The following VWA8 variants were observed in gnomAD, a reference collection of about 807,000 sequenced individuals.
VWA8 encodes von Willebrand factor A domain-containing protein 8.
VWA8 carries 221 observed loss-of-function variants against 241.5 expected under a neutral mutation model. The ratio of observed to expected loss-of-function variants is 0.91; its 90% CI spans 0.82 to 1.02. VWA8 has a LOEUF of 1.02. VWA8 is among the 50% of genes least tolerant of loss of function. VWA8 has a pLI of 0.00. For missense variants in VWA8, 2,322 were observed against 2,328.7 expected, an observed-to-expected ratio of 1.00 and a Z score of 0.06; for synonymous variants, 852 against 827.1, an observed-to-expected ratio of 1.03 and a Z score of -0.52.
At chr13:41,708,095 C>T (rs1018152740) in intron 26 of VWA8, among the ~76,000 whole-genome samples, 1 of 152,196 alleles carries the variant, frequency 6.6e-6, no homozygotes. Flanking sequence ...CAGTGGCTCA[C>T]GTCTGTAATC....
intron 17 of VWA8, 136 bp from the exon 18 acceptor site, chr13:41,787,679 C>A: frequency 1.6e-6 from 1 of 606,990 alleles, no homozygotes. Context: ...CAGTCTGGAT[C>A]TGTAAAATCT....
At chr13:41,829,559 ACACACACATG>A (rs1321065964) in intron 14 of VWA8, among the ~76,000 whole-genome samples, 48 of 143,258 alleles carry the variant, frequency 3.4e-4, no homozygotes, top group Non-Finnish European at 4.2e-4. Context: ...ACACACACAC[ACACACACATG>A]CACACACACA....
intron 37 of VWA8, among the ~76,000 whole-genome samples, chr13:41,649,834 G>A (rs1361800933): frequency 1.2e-4 from 18 of 152,184 alleles, no homozygotes. Flanking sequence ...CTCACTCTGA[G>A]AAGGGCAGCA....
chr13:41,926,436 T>C, intron 2 of VWA8: 1 of 526,058 alleles, frequency 1.9e-6, no homozygotes, highest in Non-Finnish European at 3.7e-6. Context: ...GTGGCCAAGC[T>C]TTTCATCACT....
chr13:41,767,332 T>A (rs2045785687), intron 20 of VWA8, among the ~76,000 whole-genome samples: 1 of 152,226 alleles, frequency 6.6e-6, no homozygotes, highest in African/African-American at 2.4e-5. Flanking sequence ...TTTGCTTAAA[T>A]GCCTAAAAAT....
intron 37 of VWA8, among the ~76,000 whole-genome samples, chr13:41,658,267 T>C (rs763935922): frequency 5.3e-5 from 8 of 152,198 alleles, no homozygotes; most frequent in Non-Finnish European, 8.8e-5. Context: ...GAGGCCAGCC[T>C]AGGCAAAATG....
chr13:41,834,963 T>C (rs954731644), intron 12 of VWA8, among the ~76,000 whole-genome samples: 2 of 152,118 alleles, frequency 1.3e-5, no homozygotes, highest in African/African-American at 2.4e-5. Context: ...CCATTATTCT[T>C]AGCAAACTAA....
At chr13:41,649,311 A>ATATT (rs1454340941) in intron 37 of VWA8, among the ~76,000 whole-genome samples, 1 of 152,206 alleles carries the variant, frequency 6.6e-6, no homozygotes, top group African/African-American at 2.4e-5. Flanking sequence ...GCTAAAATAA[A>ATATT]TATTTAACTT....
chr13:41,755,549 T>C lies in VWA8; in HGVS notation c.2426+5579A>G, dbSNP rs115227849. Among the ~76,000 whole-genome samples the C allele has an allele frequency of 3.3e-3, 509 of 152,098 alleles. 2 individuals carry two copies. The highest frequency in any genetic ancestry group is 0.011 in the African/African-American group (476 of 41,532). ...TTTTCATAGATAACATATCTATACT[T>C]TTATCTAGCCACTTTCAGAATTACT... On this transcript the variant is annotated intron_variant, in intron 21 of 44. Transcript: ENST00000379310.
At chr13:41,760,470 AAAC>A (rs2045731346) in intron 21 of VWA8, among the ~76,000 whole-genome samples, 1 of 151,830 alleles carries the variant, frequency 6.6e-6, no homozygotes, top group Admixed American at 6.6e-5. Context: ...CCTAGGATTA[AAAC>A]AATAACAATC....
intron 21 of VWA8, among the ~76,000 whole-genome samples, chr13:41,760,243 C>T (rs986440865): frequency 6.6e-6 from 1 of 151,664 alleles, no homozygotes; most frequent in African/African-American, 2.4e-5. Context: ...GTACCACTAC[C>T]CTGTCATGGG....
intron 43 of VWA8, among the ~76,000 whole-genome samples, chr13:41,571,295 CG>C (rs1463483869): frequency 5.4e-5 from 8 of 148,144 alleles, no homozygotes; most frequent in East Asian, 2.0e-4. Context: ...CTCCCTCTCC[CG>C]TCTCCCTCTC....
intron 21 of VWA8, among the ~76,000 whole-genome samples, chr13:41,739,991 A>T (rs1373135762): frequency 1.3e-5 from 2 of 151,304 alleles, no homozygotes; most frequent in African/African-American, 2.4e-5. Flanking sequence ...AGTTGCTGGG[A>T]CTACAGGCAC....
intron 21 of VWA8, among the ~76,000 whole-genome samples, chr13:41,749,556 GTAT>G (rs2045637638): frequency 3.5e-5 from 5 of 142,634 alleles, no homozygotes; most frequent in African/African-American, 1.5e-4. Flanking sequence ...ACATGCACAC[GTAT>G]GTTTACTGCG....
At chr13:41,905,623 A>C (rs1190967782) in intron 4 of VWA8, among the ~76,000 whole-genome samples, 2 of 152,202 alleles carry the variant, frequency 1.3e-5, no homozygotes, top group Non-Finnish European at 2.9e-5. Flanking sequence ...TTAATCTGGA[A>C]CCATTCCTTA....
chr13:41,864,141 T>TAA (rs1173896404), intron 12 of VWA8, among the ~76,000 whole-genome samples: 4 of 114,300 alleles, frequency 3.5e-5, no homozygotes, highest in African/African-American at 3.7e-5. Context: ...ATGATGATTA[T>TAA]AAAAAAAAAA....
intron 40 of VWA8, among the ~76,000 whole-genome samples, chr13:41,593,171 CA>C (rs766030068): frequency 1.3e-4 from 20 of 152,156 alleles, no homozygotes; most frequent in Non-Finnish European, 1.2e-4. Flanking sequence ...CTGGGTATTA[CA>C]GTATGTATTG....
chr13:41,730,978 A>T (rs1364591458), intron 22 of VWA8, among the ~76,000 whole-genome samples: 1 of 151,600 alleles, frequency 6.6e-6, no homozygotes, highest in Non-Finnish European at 1.5e-5. Flanking sequence ...TAACCTGCAC[A>T]TTGTGCACAT....
chr13:41,889,663 G>C (rs1874731476), intron 5 of VWA8, among the ~76,000 whole-genome samples: 1 of 152,150 alleles, frequency 6.6e-6, no homozygotes, highest in Non-Finnish European at 1.5e-5. Flanking sequence ...ACAGGTGTGA[G>C]CCACTGCACC....
Sources: allele counts gnomAD v4.1 joint callset (sites outside exome capture counted in the v4.1 genomes callset), GRCh38; gene constraint gnomAD v4.1.1; transcripts MANE v1.5; gene names NCBI Gene and HGNC (gene_info 2026-07-23, HGNC 2026-07-21).